The following TAB2 variants were observed in gnomAD, a reference collection of about 807,000 sequenced individuals.
The protein encoded by TAB2 is TGF-beta-activated kinase 1 and MAP3K7-binding protein 2.
A neutral mutation model predicts 65.0 loss-of-function variants in TAB2; 3 were observed. The observed-to-expected ratio is 0.05, with a 90% CI of 0.02 to 0.12. TAB2 has a LOEUF of 0.12. Among genes scored for constraint, TAB2 ranks in the 10% least tolerant of loss-of-function variants. The pLI is 1.00. For synonymous variants in TAB2, 298 were observed against 285.1 expected, an observed-to-expected ratio of 1.05 and a Z score of -0.46; for missense variants, 623 against 840.3, an observed-to-expected ratio of 0.74 and a Z score of 3.20.
intron 1 of TAB2, among the ~76,000 whole-genome samples, chr6:149,231,518 TG>T (rs977206127): frequency 1.3e-5 from 2 of 152,232 alleles, no homozygotes; most frequent in Non-Finnish European, 2.9e-5. Context: ...AAACTTGATT[TG>T]GGGGTGATAC....
intron 2 of TAB2, among the ~76,000 whole-genome samples, chr6:149,377,261 C>T (rs1457947870): frequency 6.6e-6 from 1 of 151,196 alleles, no homozygotes; most frequent in East Asian, 2.0e-4. Flanking sequence ...TTAGTAGAGA[C>T]GGGATTTCAC....
intron 1 of TAB2, among the ~76,000 whole-genome samples, chr6:149,335,157 C>T (rs1319177619): frequency 6.6e-6 from 1 of 151,948 alleles, no homozygotes; most frequent in African/African-American, 2.4e-5. Flanking sequence ...TTCCCCATTT[C>T]CTACCCACAT....
At chr6:149,377,875 A>T in intron 2 of TAB2, 143 bp from the exon 3 acceptor site, 1 of 702,690 alleles carries the variant, frequency 1.4e-6, no homozygotes, top group Non-Finnish European at 2.4e-6. Flanking sequence ...TCATTTGCAT[A>T]AAAAAACTTC....
At chr6:149,237,588 T>C (rs901629652) in intron 1 of TAB2, among the ~76,000 whole-genome samples, 9 of 152,222 alleles carry the variant, frequency 5.9e-5, no homozygotes, top group Non-Finnish European at 1.2e-4. Context: ...AAACCTTCAA[T>C]GGCTTCCTAA....
At chr6:149,234,693 C>A (rs1777463608) in intron 1 of TAB2, among the ~76,000 whole-genome samples, 2 of 152,066 alleles carry the variant, frequency 1.3e-5, no homozygotes. Flanking sequence ...TCTTAGCAGA[C>A]AATACACTGT....
At chr6:149,339,087 C>G (rs536850272) in intron 1 of TAB2, among the ~76,000 whole-genome samples, 4 of 152,098 alleles carry the variant, frequency 2.6e-5, no homozygotes, top group African/African-American at 9.7e-5. Flanking sequence ...AGGATATGAC[C>G]GGGCACAGTG....
At chr6:149,402,545 G>A (rs929136150) in intron 6 of TAB2, among the ~76,000 whole-genome samples, 5 of 148,684 alleles carry the variant, frequency 3.4e-5, no homozygotes, top group African/African-American at 1.0e-4. Context: ...AGTGAATTCT[G>A]TCAAACACTC....
chr6:149,241,572 C>A (rs1349629137), intron 1 of TAB2, among the ~76,000 whole-genome samples: 3 of 152,142 alleles, frequency 2.0e-5, no homozygotes, highest in Non-Finnish European at 4.4e-5. Context: ...TGCCAGCCAC[C>A]ATTTCAATGC....
At chr6:149,249,022 G>T (rs180811105) in intron 1 of TAB2, among the ~76,000 whole-genome samples, 154 of 150,062 alleles carry the variant, frequency 1.0e-3, no homozygotes, top group African/African-American at 3.5e-3. Context: ...AGCCATGCTT[G>T]CAAGATTCCT....
Position 149,218,674 on chromosome 6 carries a change from A to G in TAB2, c.-223A>G. On this transcript the variant is annotated 5_prime_UTR_variant, in exon 1 of 2. Transcript: ENST00000606202. The stretch of plus-strand genomic sequence containing the variant: ...GAACTCCTTCAGGGCCACAGGCTGT[A>G]AAGATCTAAACACCATCTGATCCAG... 4 of 442,988 alleles carry G rather than the reference A, an allele frequency of 9.0e-6. No individual in the cohort carries two copies. In the Admixed American group the frequency reaches 9.6e-5, roughly 11 times the overall value. The allele number at this position is 442,988 out of a possible 1,614,324, so 27.4% of individuals were successfully genotyped here. A position where few individuals can be genotyped will look rare whatever the true frequency, so the allele number is the denominator to read the frequency against.
At chr6:149,379,799 A>T in intron 3 of TAB2, 1 of 409,340 alleles carries the variant, frequency 2.4e-6, no homozygotes, top group South Asian at 1.9e-5. Context: ...CTTTCTTTTC[A>T]GTTAATCTTA....
At chr6:149,299,226 T>C (rs1206918510) in intron 1 of TAB2, among the ~76,000 whole-genome samples, 2 of 152,228 alleles carry the variant, frequency 1.3e-5, no homozygotes, top group Non-Finnish European at 2.9e-5. Context: ...CATGAGACTA[T>C]AGTAATTACA....
intron 1 of TAB2, among the ~76,000 whole-genome samples, chr6:149,266,859 C>T (rs149005635): frequency 6.6e-6 from 1 of 152,236 alleles, no homozygotes; most frequent in Non-Finnish European, 1.5e-5. Context: ...CACCAGCCAT[C>T]TTACAGGGAG....
intron 6 of TAB2, 86 bp from the exon 7 acceptor site, chr6:149,409,491 G>A: frequency 8.2e-7 from 1 of 1,219,394 alleles, no homozygotes; most frequent in Non-Finnish European, 1.2e-6. Context: ...ATCAGGCTGT[G>A]CACTACAAAT....
rs1562442711 is a variant in TAB2 at position 149,378,715 on chromosome 6, A to G, written c.800A>G (p.His267Arg). The G allele has an allele frequency of 3.7e-6, 6 of 1,613,996 alleles. No individual in the cohort carries two copies. In the South Asian group the frequency reaches 6.6e-5, roughly 18 times the overall value. Reference protein sequence around the residue: ...TTCPASNPLSHTSSQQPNQQG... With the variant: ...TTCPASNPLSRTSSQQPNQQG... The stretch of plus-strand genomic sequence containing the variant: ...TGTCCTGCATCTAATCCTCTGTCAC[A>G]TACCTCATCTCAACAGCCAAATCAG... The change falls in exon 3 of 7, where the codon CAT (histidine) becomes CGT (arginine). Residue 267 changes from histidine (H) to arginine (R), a missense_variant. Transcript: ENST00000637181.
intron 1 of TAB2, among the ~76,000 whole-genome samples, chr6:149,274,042 G>A (rs954249956): frequency 1.3e-5 from 2 of 152,216 alleles, no homozygotes; most frequent in African/African-American, 4.8e-5. Flanking sequence ...ACCTCACCAA[G>A]TTGTCTTCAA....
intron 1 of TAB2, among the ~76,000 whole-genome samples, chr6:149,227,804 G>T (rs1777314395): frequency 6.6e-6 from 1 of 152,294 alleles, no homozygotes; most frequent in Non-Finnish European, 1.5e-5. Flanking sequence ...GATGGGAGTG[G>T]TCGCCTTGAT....
intron 1 of TAB2, chr6:149,247,383 C>T (rs1308686004): frequency 6.6e-6 from 1 of 152,224 alleles, no homozygotes; most frequent in African/African-American, 2.4e-5. Context: ...CCAATCATGT[C>T]CCCTTTGTAG....
chr6:149,349,015 T>C (rs1310340288), intron 1 of TAB2, among the ~76,000 whole-genome samples: 1 of 151,832 alleles, frequency 6.6e-6, no homozygotes, highest in Admixed American at 6.6e-5. Context: ...TCATGTTAAA[T>C]AAATTAAGAA....
Sources: allele counts gnomAD v4.1 joint callset (sites outside exome capture counted in the v4.1 genomes callset), GRCh38; gene constraint gnomAD v4.1.1; transcripts MANE v1.5; gene names NCBI Gene and HGNC (gene_info 2026-07-23, HGNC 2026-07-21).